The following IMMP2L variants were observed in gnomAD, a reference collection of about 807,000 sequenced individuals.
IMMP2L encodes mitochondrial inner membrane protease subunit 2.
In IMMP2L, 18 loss-of-function variants were observed where a neutral mutation model predicts 19.3. That is an observed-to-expected ratio of 0.93 (90% confidence interval 0.64 to 1.38). IMMP2L has a LOEUF of 1.38. IMMP2L is among the 40% of genes most tolerant of loss of function. The pLI is 0.00. For missense variants in IMMP2L, 233 were observed against 218.2 expected (o/e 1.07, Z -0.43); for synonymous variants, 76 against 73.0 (o/e 1.04, Z -0.21).
At chr7:111,532,389 G>A (rs772677731) in intron 1 of IMMP2L, 8 of 152,134 alleles carry the variant, frequency 5.3e-5, no homozygotes, top group Admixed American at 1.3e-4. Context: ...CTTTTTTAAA[G>A]AACATGGTTT....
intron 3 of IMMP2L, among the ~76,000 whole-genome samples, chr7:111,328,555 C>T (rs572436054): frequency 6.6e-6 from 1 of 151,956 alleles, no homozygotes; most frequent in South Asian, 2.1e-4. Flanking sequence ...TTATATTTTA[C>T]AAGCCCCAAT....
chr7:110,756,435 T>C (rs760075286), intron 5 of IMMP2L, among the ~76,000 whole-genome samples: 22 of 152,072 alleles, frequency 1.4e-4, no homozygotes, highest in Non-Finnish European at 2.6e-4. Context: ...ATGTAGCATA[T>C]ATATTTTGAA....
intron 1 of IMMP2L, among the ~76,000 whole-genome samples, chr7:111,535,993 G>A (rs975269559): frequency 1.3e-5 from 2 of 152,024 alleles, no homozygotes; most frequent in Non-Finnish European, 2.9e-5. Flanking sequence ...CATTTTCTTT[G>A]GCCACTAAGA....
intron 3 of IMMP2L, among the ~76,000 whole-genome samples, chr7:111,057,378 C>A (rs1650833375): frequency 2.0e-5 from 3 of 150,884 alleles, no homozygotes; most frequent in Non-Finnish European, 4.4e-5. Context: ...AAACAATAGT[C>A]TTTTTCTATT....
chr7:110,946,176 T>C (rs1243863912), intron 4 of IMMP2L, among the ~76,000 whole-genome samples: 3 of 152,156 alleles, frequency 2.0e-5, no homozygotes, highest in Non-Finnish European at 1.5e-5. Context: ...AGTTTCCGAT[T>C]CAAAGTGGAG....
At chr7:110,701,718 C>A (rs1453390450) in intron 5 of IMMP2L, among the ~76,000 whole-genome samples, 1 of 152,016 alleles carries the variant, frequency 6.6e-6, no homozygotes, top group African/African-American at 2.4e-5. Flanking sequence ...AGCCACCGTG[C>A]CCAGACGACA....
chr7:111,214,040 T>C (rs1289022063), intron 3 of IMMP2L, among the ~76,000 whole-genome samples: 2 of 152,158 alleles, frequency 1.3e-5, no homozygotes, highest in Non-Finnish European at 2.9e-5. Flanking sequence ...TAGAAATATA[T>C]TTTTAATACA....
At chr7:111,085,493 G>T (rs952402311) in intron 3 of IMMP2L, among the ~76,000 whole-genome samples, 4 of 152,128 alleles carry the variant, frequency 2.6e-5, no homozygotes, top group Non-Finnish European at 5.9e-5. Flanking sequence ...TCAGTAAGGT[G>T]TTTTTTGACT....
At chr7:111,190,215 C>T (rs1239958928) in intron 3 of IMMP2L, among the ~76,000 whole-genome samples, 6 of 152,114 alleles carry the variant, frequency 3.9e-5, no homozygotes, top group African/African-American at 7.2e-5. Flanking sequence ...GGCAGCATGA[C>T]GGTTATTATT....
chr7:111,532,988 A>G (rs1164800278), intron 1 of IMMP2L, among the ~76,000 whole-genome samples: 11 of 152,202 alleles, frequency 7.2e-5, no homozygotes, highest in Non-Finnish European at 1.5e-5. Context: ...TTAGCTTATA[A>G]GTGCAAGTGT....
chr7:111,199,493 A>C (rs1809871692), intron 3 of IMMP2L, among the ~76,000 whole-genome samples: 1 of 152,196 alleles, frequency 6.6e-6, no homozygotes, highest in South Asian at 2.1e-4. Context: ...AACACATTAA[A>C]AACAGTACTA....
intron 3 of IMMP2L, among the ~76,000 whole-genome samples, chr7:111,024,762 T>A (rs986004178): frequency 1.3e-5 from 2 of 152,150 alleles, no homozygotes; most frequent in Non-Finnish European, 2.9e-5. Flanking sequence ...GAACATATAA[T>A]CCATAAACAA....
chr7:111,050,390 A>G (rs1792889698), intron 3 of IMMP2L, among the ~76,000 whole-genome samples: 1 of 152,312 alleles, frequency 6.6e-6, no homozygotes, highest in African/African-American at 2.4e-5. Context: ...TAGGTAATAA[A>G]ACCTAGTTAG....
chr7:110,843,466 G>A (rs1805313931), intron 5 of IMMP2L, among the ~76,000 whole-genome samples: 3 of 152,002 alleles, frequency 2.0e-5, no homozygotes, highest in Admixed American at 2.0e-4. Flanking sequence ...AAAAATAAAG[G>A]AAGTAGACAG....
chr7:111,165,833 T>C (rs964608340), intron 3 of IMMP2L, among the ~76,000 whole-genome samples: 1 of 152,022 alleles, frequency 6.6e-6, no homozygotes, highest in Non-Finnish European at 1.5e-5. Flanking sequence ...CCTTCTACCA[T>C]TTGAAGGCCA....
At chr7:111,337,206 T>A (rs1408723289) in intron 3 of IMMP2L, among the ~76,000 whole-genome samples, 4 of 152,152 alleles carry the variant, frequency 2.6e-5, no homozygotes, top group Non-Finnish European at 5.9e-5. Context: ...TTTCTTTTTT[T>A]AAAAAAAGCA....
intron 4 of IMMP2L, among the ~76,000 whole-genome samples, chr7:110,897,229 G>C (rs955416734): frequency 1.3e-5 from 2 of 152,084 alleles, no homozygotes; most frequent in African/African-American, 2.4e-5. Flanking sequence ...CACAAATACA[G>C]AAGTCAACAG....
At chr7:111,434,798 C>A (rs2131721824) in intron 3 of IMMP2L, among the ~76,000 whole-genome samples, 1 of 151,932 alleles carries the variant, frequency 6.6e-6, no homozygotes, top group Non-Finnish European at 1.5e-5. Context: ...CGGTGATCCA[C>A]CCGCCTCGGC....
chr7:111,237,447 T>A (rs1814466670), intron 3 of IMMP2L, among the ~76,000 whole-genome samples: 1 of 152,046 alleles, frequency 6.6e-6, no homozygotes, highest in South Asian at 2.1e-4. Context: ...TTATAATTTG[T>A]TTCTTTCAAA....
Sources: allele counts gnomAD v4.1 joint callset (sites outside exome capture counted in the v4.1 genomes callset), GRCh38; gene constraint gnomAD v4.1.1; transcripts MANE v1.5; gene names NCBI Gene and HGNC (gene_info 2026-07-23, HGNC 2026-07-21).